The following XKR9 variants were observed in gnomAD, a reference collection of about 807,000 sequenced individuals.
The protein encoded by XKR9 is XK related 9.
Under a neutral mutation model 32.0 loss-of-function variants are expected in XKR9, and 32 were observed. The observed-to-expected ratio is 1.00, with a 90% confidence interval of 0.76 to 1.34. The LOEUF (loss-of-function observed/expected upper bound fraction) is 1.34. Ranked by LOEUF, XKR9 falls within the 40% of genes most tolerant of loss-of-function variation. The probability of loss-of-function intolerance (pLI) is 0.00; values close to 1 mark genes in which losing one functional copy is unlikely to be tolerated. For missense variants in XKR9, 546 were observed against 429.7 expected, an observed-to-expected ratio of 1.27 and a Z score of -2.39; for synonymous variants, 168 against 143.4, an observed-to-expected ratio of 1.17 and a Z score of -1.22.
the XKR9 span, among the ~76,000 whole-genome samples, chr8:70,839,730 A>G: frequency 6.6e-6 from 1 of 152,164 alleles, no homozygotes; most frequent in East Asian, 1.9e-4. Context: ...AAAAGAAACC[A>G]CCACTTGCCA....
the XKR9 span, among the ~76,000 whole-genome samples, chr8:70,810,485 C>T: frequency 6.6e-6 from 1 of 152,158 alleles, no homozygotes; most frequent in African/African-American, 2.4e-5. Flanking sequence ...AATTAAAAGA[C>T]ACAGACTGGC....
At chr8:70,808,378 A>G in the XKR9 span, among the ~76,000 whole-genome samples, 1 of 152,136 alleles carries the variant, frequency 6.6e-6, no homozygotes, top group Non-Finnish European at 1.5e-5. Context: ...AGCGATGCAG[A>G]AGATGTATGA....
chr8:71,049,190 AC>A, the XKR9 span, among the ~76,000 whole-genome samples: 1 of 152,200 alleles, frequency 6.6e-6, no homozygotes, highest in African/African-American at 2.4e-5. Context: ...TTAATAATTC[AC>A]CCATTCATAC....
At chr8:70,886,053 C>T in the XKR9 span, among the ~76,000 whole-genome samples, 11 of 152,128 alleles carry the variant, frequency 7.2e-5, no homozygotes, top group East Asian at 3.9e-4. Flanking sequence ...CCCCTACCCC[C>T]GCACAGGCCT....
intron 4 of XKR9, among the ~76,000 whole-genome samples, chr8:70,722,767 A>G (rs951409507): frequency 2.0e-5 from 3 of 151,900 alleles, no homozygotes; most frequent in African/African-American, 7.3e-5. Flanking sequence ...TCTGATGGTT[A>G]TGTGTCTTGT....
rs147422949 is a variant in XKR9, at chr8:70,726,310, C to T, written c.494-7486C>T. ...GAATACCTTAGTGGCAGATCATCCG[C>T]GTCAATTCATGAAGAAAAAATTAAT... On this transcript the variant is annotated intron_variant, in intron 4 of 4. Coordinates refer to ENST00000408926, the MANE Select transcript of XKR9 (RefSeq NM_001011720.2). Among the ~76,000 whole-genome samples the T allele has an allele frequency of 2.7e-3, 405 of 152,246 alleles. 1 individual carries two copies. The highest frequency in any genetic ancestry group is 0.01 in the Middle Eastern group (3 of 294).
the XKR9 span, among the ~76,000 whole-genome samples, chr8:70,846,712 A>C: frequency 6.6e-6 from 1 of 152,092 alleles, no homozygotes; most frequent in Admixed American, 6.5e-5. Context: ...AACAGAAACC[A>C]AAAGTAGCAG....
At chr8:70,724,613 C>T (rs1284502057) in intron 4 of XKR9, among the ~76,000 whole-genome samples, 1 of 152,108 alleles carries the variant, frequency 6.6e-6, no homozygotes, top group Non-Finnish European at 1.5e-5. Flanking sequence ...CTCACGGCTT[C>T]CCTTGGCTAG....
At chr8:70,910,237 C>G in the XKR9 span, among the ~76,000 whole-genome samples, 1 of 152,114 alleles carries the variant, frequency 6.6e-6, no homozygotes, top group African/African-American at 2.4e-5. Context: ...CAGCTCCAGG[C>G]CTTCTTCTTG....
chr8:70,968,485 G>C, the XKR9 span, among the ~76,000 whole-genome samples: 2 of 152,206 alleles, frequency 1.3e-5, no homozygotes, highest in Admixed American at 6.5e-5. Context: ...CCTTGCTGGA[G>C]AGGTGTTGTA....
At chr8:70,749,116 C>A (rs1194949080) in intron 2 of XKR9, among the ~76,000 whole-genome samples, 1 of 152,234 alleles carries the variant, frequency 6.6e-6, no homozygotes, top group African/African-American at 2.4e-5. Context: ...AAAGGAGTGA[C>A]CCACTTCAGG....
chr8:70,785,718 GCTCTCT>G (rs60417775), intron 2 of XKR9, among the ~76,000 whole-genome samples: 27 of 137,432 alleles, frequency 2.0e-4, no homozygotes, highest in African/African-American at 6.5e-4. Flanking sequence ...ACTTTTTTTT[GCTCTCT>G]CTCTCTCTCT....
At chr8:70,896,643 T>G in the XKR9 span, among the ~76,000 whole-genome samples, 2 of 151,948 alleles carry the variant, frequency 1.3e-5, no homozygotes, top group Non-Finnish European at 2.9e-5. Flanking sequence ...TTCTTCATTG[T>G]TTTGTTTAAA....
the XKR9 span, among the ~76,000 whole-genome samples, chr8:70,874,124 A>T: frequency 6.6e-6 from 1 of 152,242 alleles, no homozygotes; most frequent in Non-Finnish European, 1.5e-5. Flanking sequence ...CACACTTAAT[A>T]GACCACAGTA....
the XKR9 span, among the ~76,000 whole-genome samples, chr8:70,804,522 A>G: frequency 1.3e-5 from 2 of 152,222 alleles, no homozygotes; most frequent in Admixed American, 6.5e-5. Context: ...AGCTTTTAGC[A>G]TATACTGTTA....
At chr8:70,685,358 G>A (rs1223239576) in intron 3 of XKR9, among the ~76,000 whole-genome samples, 2 of 93,830 alleles carry the variant, frequency 2.1e-5, no homozygotes, top group African/African-American at 4.9e-5. Context: ...GGTGGGGGGA[G>A]GGGGGAGGGA....
At chr8:70,767,496 CT>C (rs34400671) in intron 2 of XKR9, among the ~76,000 whole-genome samples, 2,558 of 99,256 alleles carry the variant, frequency 0.026, 48 homozygotes, top group African/African-American at 0.09. Context: ...TCTTTTCCTT[CT>C]TTTTTTTTTT....
At chr8:70,889,076 T>G in the XKR9 span, among the ~76,000 whole-genome samples, 6 of 151,952 alleles carry the variant, frequency 3.9e-5, no homozygotes, top group African/African-American at 1.2e-4. Flanking sequence ...GTCTTCCAAT[T>G]TATAAATATT....
chr8:70,954,298 T>C, the XKR9 span, among the ~76,000 whole-genome samples: 2 of 152,108 alleles, frequency 1.3e-5, no homozygotes, highest in Non-Finnish European at 2.9e-5. Context: ...CATAGTTTTC[T>C]CTCTTTGGTT....
Sources: gnomAD v4.1 joint callset for allele counts (sites outside exome capture counted in the v4.1 genomes callset) on GRCh38, gnomAD v4.1.1 for gene constraint, MANE v1.5 for transcripts, NCBI Gene and HGNC (gene_info 2026-07-23, HGNC 2026-07-21) for gene names.